Variants in COX15 observed in about 807,000 individuals in gnomAD.
The protein encoded by COX15 is heme A synthase COX15.
Under a neutral mutation model 51.9 loss-of-function variants are expected in COX15, and 51 were observed. The observed-to-expected ratio is 0.98, with a 90% CI of 0.78 to 1.24. The LOEUF (loss-of-function observed/expected upper bound fraction) is 1.24. Among genes scored for constraint, COX15 ranks in the 50% most tolerant of loss-of-function variants. The pLI, the probability that COX15 is intolerant of heterozygous loss-of-function variation, is 0.00. For missense variants in COX15, 420 were observed against 501.1 expected, an observed-to-expected ratio of 0.84 and a Z score of 1.55; for synonymous variants, 188 against 190.5, an observed-to-expected ratio of 0.99 and a Z score of 0.11.
chr10:99,731,560 C>T (rs190509542), intron 1 of COX15, among the ~76,000 whole-genome samples: 17 of 152,278 alleles, frequency 1.1e-4, no homozygotes, highest in Admixed American at 3.3e-4. Context: ...GCCTCAATTT[C>T]CTTCTCTGTA....
At chr10:99,725,396 C>A (rs943601456) in intron 4 of COX15, among the ~76,000 whole-genome samples, 3 of 152,194 alleles carry the variant, frequency 2.0e-5, no homozygotes, top group African/African-American at 7.2e-5. Context: ...TCTTTAATTT[C>A]TGCCTCCCTA....
chr10:99,696,307 T>C, the COX15 span, among the ~76,000 whole-genome samples: 2 of 152,348 alleles, frequency 1.3e-5, no homozygotes, highest in African/African-American at 4.8e-5. Context: ...TGAGGGTGCA[T>C]TCTGATCTTT....
the COX15 span, chr10:99,698,416 C>A: frequency 1.0e-6 from 1 of 994,682 alleles, no homozygotes; most frequent in Non-Finnish European, 1.5e-6. Context: ...ATCCTCGTTT[C>A]TAGAGATATC....
chr10:99,725,808 G>A (rs113231120), intron 4 of COX15, among the ~76,000 whole-genome samples: 4 of 152,216 alleles, frequency 2.6e-5, no homozygotes, highest in Admixed American at 2.6e-4. Context: ...CTTGGCTTCC[G>A]AAAGTGTTGG....
chr10:99,715,639 TA>T lies in COX15; in HGVS notation c.1101+708del, dbSNP rs573115316. On this transcript the variant is annotated intron_variant, in intron 8 of 8. Coordinates refer to ENST00000016171, the MANE Select transcript of COX15 (RefSeq NM_078470.6). ...GGGTGACAGAGTGAGACTCCATCTC[TA>T]AAAAAAAAAAAAAAAGATATTGCCA... 8.4e-3 allele frequency among the ~76,000 whole-genome samples: 1,072 copies of T among 127,344 alleles called. 5 individuals are homozygous for T. Among genetic ancestry groups the T allele is most frequent in the African/African-American group, 9.0e-3 (310 of 34,540 alleles). The allele number at this position is 127,344 out of a possible 152,430, so 83.5% of individuals were successfully genotyped here. A position where few individuals can be genotyped will look rare whatever the true frequency, so the allele number is the denominator to read the frequency against.
chr10:99,724,181 T>A (rs74152725), intron 4 of COX15, 58 bp from the exon 5 acceptor site: 17 of 1,602,850 alleles, frequency 1.1e-5, no homozygotes, highest in Non-Finnish European at 1.5e-5. Flanking sequence ...TGTTCAACTT[T>A]CTTTTTTTTG....
chr10:99,724,065 T>G lies in COX15; in HGVS notation c.641A>C (p.Asp214Ala), dbSNP rs1240735440. 6.2e-7 allele frequency: 1 copy of G among 1,614,002 alleles called. No individual in the cohort carries two copies. Among genetic ancestry groups the G allele is most frequent in the Admixed American group, 1.7e-5 (1 of 59,994 alleles). Reference protein sequence around the residue: ...SGLEEKSDSHDIPRVSQYRLA... With the variant: ...SGLEEKSDSHAIPRVSQYRLA... ...GCGGTACTGACTGACCCGAGGGATG[T>G]CATGGGAGTCTGATTTTTCTTCTAG... The change falls in exon 5 of 9, where the codon GAC becomes GCC. Residue 214 changes from aspartate to alanine, a missense_variant. Asp to Ala is a moderately radical substitution (Grantham distance 126, BLOSUM62 -2). Transcript: ENST00000016171.
At chr10:99,710,816 T>C (rs1466182251), downstream of COX15, 1 of 985,302 alleles carries the variant, frequency 1.0e-6, no homozygotes, top group African/African-American at 1.7e-5. Context: ...CCTGCTACAA[T>C]AGATAGTATT....
In COX15 at chr10:99,727,013, G is replaced by A. The variant is rs1312353409; in HGVS notation, c.537C>T (p.Gly179=). ...AGAGGGCAAGAACACGTCCTTTCAT[G>A]CCACGGCTGAGCCAGCCCTTTCTCC... ...YFWRKGWLSR[G]MKGRVLALCG... The change falls in exon 4 of 9, where the codon GGC becomes GGT. Residue 179 remains glycine (G), a synonymous_variant. Transcript: ENST00000016171. The A allele has an allele frequency of 6.2e-7, 1 of 1,613,966 alleles. No homozygotes were observed. Among genetic ancestry groups the A allele is most frequent in the Non-Finnish European group, 8.5e-7 (1 of 1,180,016 alleles).
rs796939018 is a variant in COX15, at chr10:99,713,976, A to G, written c.*611T>C. On this transcript the variant is annotated 3_prime_UTR_variant, in exon 9 of 9. Transcript: ENST00000016171. ...ACAAGAGTGAAACTCTGTCTCAAAA[A>G]AAAAAAAAAAAATGGAACTATTTGG... 1 of 996,872 alleles carries G rather than the reference A, an allele frequency of 1.0e-6. No homozygotes were observed. Among genetic ancestry groups the G allele is most frequent in the Non-Finnish European group, 1.2e-6 (1 of 836,116 alleles). The allele number at this position is 996,872 out of a possible 1,614,324, so 61.8% of individuals were successfully genotyped here. A position where few individuals can be genotyped will look rare whatever the true frequency, so the allele number is the denominator to read the frequency against.
At chr10:99,710,496 G>A, downstream of COX15, 5 of 985,304 alleles carry the variant, frequency 5.1e-6, no homozygotes, top group Non-Finnish European at 6.0e-6. Flanking sequence ...GCTTTGGGGA[G>A]TTGTTAAGAC....
At chr10:99,704,187 A>G in the COX15 span, among the ~76,000 whole-genome samples, 2 of 152,168 alleles carry the variant, frequency 1.3e-5, no homozygotes, top group South Asian at 4.1e-4. Flanking sequence ...TTGGGATTCA[A>G]TTTCAAAGGC....
chr10:99,699,346 A>G, the COX15 span, among the ~76,000 whole-genome samples: 62 of 152,358 alleles, frequency 4.1e-4, 1 homozygote, highest in Admixed American at 2.0e-3. Context: ...GTAAAAAGCA[A>G]TGATGGTGGA....
At chr10:99,708,008 G>A (rs532095456), downstream of COX15, among the ~76,000 whole-genome samples, 11 of 152,264 alleles carry the variant, frequency 7.2e-5, no homozygotes, top group African/African-American at 2.4e-4. Context: ...ACCAGGTGGT[G>A]AGCATAGTAC....
chr10:99,695,552 A>T, the COX15 span, among the ~76,000 whole-genome samples: 2 of 152,016 alleles, frequency 1.3e-5, no homozygotes, highest in African/African-American at 4.8e-5. Flanking sequence ...AGAAAAGGCC[A>T]CAGAATAGAT....
intron 1 of COX15, among the ~76,000 whole-genome samples, chr10:99,731,319 A>T (rs1235711036): frequency 6.6e-6 from 1 of 152,222 alleles, no homozygotes; most frequent in Non-Finnish European, 1.5e-5. Context: ...GTTCCTTTAT[A>T]TAATGAGACC....
chr10:99,704,963 GTC>G, the COX15 span: 1 of 438,846 alleles, frequency 2.3e-6, no homozygotes, highest in South Asian at 2.8e-5. Context: ...CTTCTGAGAG[GTC>G]TGGTGTGTTC....
Position 99,726,980 on chromosome 10 carries a change from G to A in COX15, c.570C>T (p.Leu190=), listed in dbSNP as rs201315984. The stretch of plus-strand genomic sequence containing the variant: ...GAATAAATCTTACCTGGAAGCAGAC[G>A]AGGCCACAGAGGGCAAGAACACGTC... The part of the protein sequence containing the change: ...MKGRVLALCG[L]VCFQGLLGWY... Residue 190 remains leucine, a synonymous_variant, in exon 4 of 9, where the codon CTC becomes CTT. Transcript: ENST00000016171. 18 of 1,613,070 alleles carry A rather than the reference G, an allele frequency of 1.1e-5. No homozygotes were observed. Among genetic ancestry groups the A allele is most frequent in the Middle Eastern group, 1.7e-4 (1 of 5,898 alleles).
Position 99,732,120 on chromosome 10 carries a change from A to G in COX15, c.-71T>C, listed in dbSNP as rs886046612. On this transcript the variant is annotated 5_prime_UTR_variant, in exon 1 of 9. Transcript: ENST00000016171. ...TGGTCTCCCTCCTCCGCCAAGGAAA[A>G]GAGAAGCACTTCCGGGTCGGGCAGC... The G allele has an allele frequency of 2.7e-5, 43 of 1,567,576 alleles. 1 individual carries two copies. In the South Asian group the frequency reaches 4.4e-4, roughly 16 times the overall value.
Sources: gnomAD v4.1 joint callset for allele counts (sites outside exome capture counted in the v4.1 genomes callset) on GRCh38, gnomAD v4.1.1 for gene constraint, MANE v1.5 for transcripts, NCBI Gene and HGNC (gene_info 2026-07-23, HGNC 2026-07-21) for gene names.